CCR5AS: variants seen among roughly 807,000 people sequenced by gnomAD.
CCR5AS encodes CCR5 antisense RNA.
chr3:46,396,052 G>C (rs897978335), intron 1 of CCR5AS, among the ~76,000 whole-genome samples: 1 of 152,146 alleles, frequency 6.6e-6, no homozygotes, highest in Non-Finnish European at 1.5e-5. Context: ...CCCCAGCTTA[G>C]GGGCCTCACC....
At chr3:46,396,377 C>T (rs1701962076) in intron 1 of CCR5AS, among the ~76,000 whole-genome samples, 1 of 152,152 alleles carries the variant, frequency 6.6e-6, no homozygotes, top group African/African-American at 2.4e-5. Flanking sequence ...AGTGTGCCCA[C>T]ATGTGGGTTC....
intron 2 of CCR5AS, chr3:46,373,303 T>C (rs1295039821): frequency 6.2e-7 from 1 of 1,614,194 alleles, no homozygotes; most frequent in Non-Finnish European, 8.5e-7. Flanking sequence ...GTCCATGCTG[T>C]GTTTGCTTTA....
chr3:46,385,329 C>T (rs1412430803), intron 2 of CCR5AS, among the ~76,000 whole-genome samples: 1 of 152,116 alleles, frequency 6.6e-6, no homozygotes, highest in African/African-American at 2.4e-5. Context: ...ATGGAAGATT[C>T]CAGGCAGCAG....
chr3:46,388,808 G>A (rs1048293935), intron 2 of CCR5AS, among the ~76,000 whole-genome samples: 5 of 152,266 alleles, frequency 3.3e-5, no homozygotes, highest in Non-Finnish European at 7.4e-5. Context: ...GCATAAGAAT[G>A]GGAACGAGAA....
At chr3:46,389,408 G>A (rs528247550) in intron 2 of CCR5AS, among the ~76,000 whole-genome samples, 4 of 152,270 alleles carry the variant, frequency 2.6e-5, no homozygotes, top group Non-Finnish European at 5.9e-5. Context: ...AGTGTGAGGG[G>A]TCAGACTTGA....
chr3:46,397,010 C>T (rs1275456466), intron 1 of CCR5AS, among the ~76,000 whole-genome samples: 2 of 152,228 alleles, frequency 1.3e-5, no homozygotes, highest in Non-Finnish European at 2.9e-5. Flanking sequence ...TGCCCCATCT[C>T]TGACAAGTAG....
chr3:46,379,001 CTTTT>C lies in CCR5AS; in HGVS notation n.392-7588_392-7585del, dbSNP rs775443220. ...AATGTGATTTGATGTTGGTAAATTTCTTTTTTTTTTTTTTTTTACTTCTATTTTT... is the reference window on the plus strand; with the variant it reads ...AATGTGATTTGATGTTGGTAAATTTCTTTTTTTTTTTTTACTTCTATTTTT... On this transcript the variant is annotated intron_variant and non_coding_transcript_variant, in intron 2 of 3. Transcript: ENST00000451485. 7.2e-5 allele frequency among the ~76,000 whole-genome samples: 9 copies of C among 125,510 alleles called. 2 individuals are homozygous for C. Among genetic ancestry groups the C allele is most frequent in the African/African-American group, 2.3e-4 (8 of 35,356 alleles). 82.3% of individuals were successfully genotyped at this position (125,510 alleles called of 152,430 possible).
intron 2 of CCR5AS, chr3:46,373,435 G>T: frequency 6.2e-7 from 1 of 1,612,064 alleles, no homozygotes; most frequent in Non-Finnish European, 8.5e-7. Context: ...CATTACACCT[G>T]CAGCTCTCAT....
chr3:46,406,688 G>A (rs1021831211), intron 1 of CCR5AS, among the ~76,000 whole-genome samples: 1 of 152,024 alleles, frequency 6.6e-6, no homozygotes, highest in Admixed American at 6.6e-5. Context: ...AATCACTTCT[G>A]GCTGCTTGCA....
At chr3:46,373,671 C>T (rs1346836058) in intron 2 of CCR5AS, 2 of 1,614,142 alleles carry the variant, frequency 1.2e-6, no homozygotes. Flanking sequence ...TGTCCTTCTC[C>T]TGAACACCTT....
chr3:46,368,769 C>T (rs1246639311), intron 3 of CCR5AS, among the ~76,000 whole-genome samples: 1 of 152,230 alleles, frequency 6.6e-6, no homozygotes, highest in African/African-American at 2.4e-5. Context: ...GCGTGTGTGA[C>T]TCCGAGCCTG....
chr3:46,383,742 C>T (rs1001317295), intron 2 of CCR5AS, among the ~76,000 whole-genome samples: 6 of 152,058 alleles, frequency 3.9e-5, no homozygotes, highest in African/African-American at 1.2e-4. Context: ...ACAAAAGAAA[C>T]CCCTAAGGGG....
At chr3:46,398,117 T>G (rs1356290025) in intron 1 of CCR5AS, among the ~76,000 whole-genome samples, 1 of 152,180 alleles carries the variant, frequency 6.6e-6, no homozygotes, top group Admixed American at 6.5e-5. Flanking sequence ...TTGCCTAGGC[T>G]TTAAGTGGTA....
intron 1 of CCR5AS, among the ~76,000 whole-genome samples, chr3:46,393,832 C>G (rs542288088): frequency 8.4e-4 from 128 of 152,308 alleles, no homozygotes; most frequent in Admixed American, 4.1e-3. Flanking sequence ...AACCTGAGAA[C>G]CAAGAATGAG....
chr3:46,383,929 C>G (rs1428367398), intron 2 of CCR5AS, among the ~76,000 whole-genome samples: 1 of 152,094 alleles, frequency 6.6e-6, no homozygotes, highest in Non-Finnish European at 1.5e-5. Context: ...GAAAAGCAAG[C>G]AAAAAGGCAA....
At chr3:46,379,661 G>A (rs147541291) in intron 2 of CCR5AS, among the ~76,000 whole-genome samples, 7,923 of 152,166 alleles carry the variant, frequency 0.052, 675 homozygotes, top group African/African-American at 0.18. Context: ...TTGGGAGACC[G>A]AGGAGGGCAG....
chr3:46,384,906 TAGATAGAC>T (rs1160701649), intron 2 of CCR5AS, among the ~76,000 whole-genome samples: 14 of 69,494 alleles, frequency 2.0e-4, no homozygotes, highest in South Asian at 1.7e-3. Context: ...GATAGATAGA[TAGATAGAC>T]AGACAGACAG....
At chr3:46,387,094 GA>G (rs1449998431) in intron 2 of CCR5AS, among the ~76,000 whole-genome samples, 2 of 152,134 alleles carry the variant, frequency 1.3e-5, no homozygotes, top group East Asian at 3.9e-4. Context: ...GGAAGTGGAG[GA>G]AAAAGAGCTT....
intron 1 of CCR5AS, among the ~76,000 whole-genome samples, chr3:46,399,096 G>T (rs772050255): frequency 6.6e-6 from 1 of 152,158 alleles, no homozygotes; most frequent in Non-Finnish European, 1.5e-5. Context: ...GCAAAGTCCT[G>T]TATTAATGTT....
Sources: allele counts gnomAD v4.1 joint callset (sites outside exome capture counted in the v4.1 genomes callset), GRCh38; gene constraint gnomAD v4.1.1; transcripts MANE v1.5; gene names NCBI Gene and HGNC (gene_info 2026-07-23, HGNC 2026-07-21).